The following HERC4 variants were observed in gnomAD, a reference collection of about 807,000 sequenced individuals.
HERC4 encodes the protein probable E3 ubiquitin-protein ligase HERC4.
Under a neutral mutation model 124.3 loss-of-function variants are expected in HERC4, and 28 were observed. The ratio of observed to expected loss-of-function variants is 0.23; its 90% confidence interval spans 0.17 to 0.31. The LOEUF (loss-of-function observed/expected upper bound fraction) is 0.31, where lower values mean the gene tolerates loss of function less well. HERC4 is among the 10% of genes least tolerant of loss of function. HERC4 has a pLI of 1.00. For synonymous variants in HERC4, 407 were observed against 421.5 expected, an observed-to-expected ratio of 0.97 and a Z score of 0.42; for missense variants, 713 against 1,229.3, an observed-to-expected ratio of 0.58 and a Z score of 6.28.
intron 4 of HERC4, among the ~76,000 whole-genome samples, chr10:68,042,397 G>A (rs1342705900): frequency 6.6e-6 from 1 of 152,236 alleles, no homozygotes; most frequent in Non-Finnish European, 1.5e-5. Flanking sequence ...GGCCAAAGCC[G>A]GTGAATCCCT....
chr10:67,936,888 C>T (rs2032411300), intron 21 of HERC4, among the ~76,000 whole-genome samples: 1 of 151,752 alleles, frequency 6.6e-6, no homozygotes, highest in Non-Finnish European at 1.5e-5. Flanking sequence ...GAGTATATTC[C>T]TGCTGTGATG....
Position 68,038,113 on chromosome 10 carries a change from T to A in HERC4, c.443A>T (p.His148Leu). ...QIVQVACGYYHSLALSKASEV... is the reference protein window; with the variant it reads ...QIVQVACGYYLSLALSKASEV... ...CTTACCTTTAGAAAGTGCAAGTGAA[T>A]GATAGTAACCACAAGCAACCTGTAC... The change falls in exon 5 of 25, where the codon CAT becomes CTT. Residue 148 changes from histidine (H) to leucine (L), a missense_variant. His to Leu is a moderately conservative substitution (Grantham distance 99, BLOSUM62 -3). Transcript: ENST00000373700. 6.6e-7 allele frequency: 1 copy of A among 1,526,232 alleles called. No individual in the cohort carries two copies. Among genetic ancestry groups the A allele is most frequent in the Non-Finnish European group, 8.8e-7 (1 of 1,137,634 alleles). The allele number at this position is 1,526,232 out of a possible 1,614,324, so 94.5% of individuals were successfully genotyped here.
At position 67,925,279 on chromosome 10, in the gene HERC4, T is replaced by TC; in HGVS notation, c.2839-93_2839-92insG. 3 of 646,992 alleles carry TC rather than the reference T, an allele frequency of 4.6e-6. No individual in the cohort carries two copies. The South Asian group carries it at 6.8e-5, about 15-fold the overall frequency. 40.1% of individuals were successfully genotyped at this position (646,992 alleles called of 1,614,324 possible). On this transcript the variant is annotated intron_variant, in intron 23 of 24. Transcript: ENST00000373700. ...TAACATGGTCCAGTAGTTTGCAACTTGTGCAATTCAATGGATTGCCCACTG... is the reference window on the plus strand; with the variant it reads ...TAACATGGTCCAGTAGTTTGCAACTTCGTGCAATTCAATGGATTGCCCACTG...
chr10:68,040,184 A>G, intron 4 of HERC4: 1 of 981,280 alleles, frequency 1.0e-6, no homozygotes, highest in Non-Finnish European at 1.2e-6. Context: ...AAATTTGCAT[A>G]GCAATTTATA....
At position 67,979,093 on chromosome 10, in the gene HERC4, A is replaced by G. The variant is rs113003191; in HGVS notation, c.1806+9570T>C. On this transcript the variant is annotated intron_variant, in intron 15 of 24. Transcript: ENST00000373700. ...CCCAGACAGAGAGGAACATCTGTTA[A>G]GTTATCAAGACCATCCAGGAAAACA... Among the ~76,000 whole-genome samples, 506 of 152,294 alleles carry G rather than the reference A, an allele frequency of 3.3e-3. 1 individual carries two copies. The highest frequency in any genetic ancestry group is 0.011 in the African/African-American group (478 of 41,568).
At chr10:67,986,984 C>CA (rs2036298472) in intron 15 of HERC4, among the ~76,000 whole-genome samples, 1 of 152,010 alleles carries the variant, frequency 6.6e-6, no homozygotes, top group South Asian at 2.1e-4. Context: ...TGAAAAGGGG[C>CA]AAAATACCGA....
At chr10:67,959,191 C>A (rs2034339714) in intron 16 of HERC4, 3 of 1,460,556 alleles carry the variant, frequency 2.1e-6, no homozygotes, top group South Asian at 1.3e-5. Flanking sequence ...TATTAGTGTC[C>A]AAATTTAACT....
intron 22 of HERC4, among the ~76,000 whole-genome samples, chr10:67,934,317 CT>C (rs2032130935): frequency 6.6e-6 from 1 of 152,068 alleles, no homozygotes; most frequent in Non-Finnish European, 1.5e-5. Flanking sequence ...CTTTAGTTTG[CT>C]AATTCATCGC....
intron 3 of HERC4, among the ~76,000 whole-genome samples, chr10:68,046,332 T>C (rs2040011848): frequency 6.6e-6 from 1 of 152,200 alleles, no homozygotes; most frequent in African/African-American, 2.4e-5. Context: ...TAAGACTGCT[T>C]GGTTGGTTCA....
chr10:68,059,618 A>ATTATATATC (rs1353106442), intron 3 of HERC4, among the ~76,000 whole-genome samples: 5 of 89,900 alleles, frequency 5.6e-5, no homozygotes, highest in African/African-American at 3.2e-4. Context: ...TATATATCAT[A>ATTATATATC]ATATTATATA....
chr10:68,011,583 A>G (rs559302291), intron 9 of HERC4, among the ~76,000 whole-genome samples: 31 of 152,360 alleles, frequency 2.0e-4, no homozygotes, highest in African/African-American at 7.0e-4. Context: ...TTTTGAAAGA[A>G]ATCTTTTTAC....
chr10:67,975,731 A>T (rs2035547378), intron 15 of HERC4, among the ~76,000 whole-genome samples: 1 of 152,352 alleles, frequency 6.6e-6, no homozygotes, highest in African/African-American at 2.4e-5. Flanking sequence ...AATCCAATTT[A>T]AAAAGCACAC....
chr10:68,010,372 C>A, intron 9 of HERC4: 1 of 953,150 alleles, frequency 1.0e-6, no homozygotes, highest in Middle Eastern at 3.0e-4. Flanking sequence ...GACACTGGTG[C>A]CCCTGAGAAA....
intron 2 of HERC4, among the ~76,000 whole-genome samples, chr10:68,073,388 G>C (rs1171375177): frequency 2.0e-5 from 3 of 152,110 alleles, no homozygotes; most frequent in Admixed American, 6.6e-5. Context: ...GGGAAAATAT[G>C]ACACTTTCTA....
At chr10:67,982,340 C>A (rs977221788) in intron 15 of HERC4, among the ~76,000 whole-genome samples, 5 of 152,086 alleles carry the variant, frequency 3.3e-5, no homozygotes, top group African/African-American at 1.2e-4. Flanking sequence ...AAAATGAACT[C>A]ATTTTTGACA....
chr10:68,021,921 T>A (rs2038649619), intron 8 of HERC4, among the ~76,000 whole-genome samples: 1 of 152,106 alleles, frequency 6.6e-6, no homozygotes, highest in Non-Finnish European at 1.5e-5. Context: ...CACACAAAAA[T>A]TGTTAAAACT....
chr10:68,046,288 T>C (rs1461561249), intron 3 of HERC4, among the ~76,000 whole-genome samples: 2 of 152,188 alleles, frequency 1.3e-5, no homozygotes, highest in South Asian at 4.1e-4. Flanking sequence ...TCAAAGGAAG[T>C]AGCAGAAAAT....
intron 3 of HERC4, among the ~76,000 whole-genome samples, chr10:68,055,805 GCAGTGTCCTGATCTCAGCTCATTGCAACC>G (rs2040519547): frequency 6.7e-6 from 1 of 148,320 alleles, no homozygotes; most frequent in Admixed American, 6.8e-5. Flanking sequence ...AGGCTGTAGT[GCAGTGTCCTGATCTCAGCTCATTGCAACC>G]TCTGCCTCCT....
intron 4 of HERC4, among the ~76,000 whole-genome samples, chr10:68,042,183 A>G (rs1276725899): frequency 2.0e-5 from 3 of 152,054 alleles, no homozygotes; most frequent in African/African-American, 7.2e-5. Context: ...AATTTTTTGT[A>G]TTTTTAGAAA....
Sources: allele counts gnomAD v4.1 joint callset (sites outside exome capture counted in the v4.1 genomes callset), GRCh38; gene constraint gnomAD v4.1.1; transcripts MANE v1.5; gene names NCBI Gene and HGNC (gene_info 2026-07-23, HGNC 2026-07-21).